RFC1: variants seen among roughly 807,000 people sequenced by gnomAD.
RFC1 encodes the protein A1 140 kDa subunit.
Under a neutral mutation model 137.4 loss-of-function variants are expected in RFC1, and 37 were observed. The ratio of observed to expected loss-of-function variants is 0.27; its 90% CI spans 0.21 to 0.35. The LOEUF is 0.35. Ranked by LOEUF, RFC1 falls within the 10% of genes least tolerant of loss-of-function variation. The pLI is 1.00. For synonymous variants in RFC1, 429 were observed against 455.7 expected (o/e 0.94, Z 0.75); for missense variants, 1,205 against 1,358.5 (o/e 0.89, Z 1.78).
chr4:39,343,654 A>G (rs1740710777), intron 3 of RFC1, among the ~76,000 whole-genome samples: 1 of 152,222 alleles, frequency 6.6e-6, no homozygotes, highest in African/African-American at 2.4e-5. Context: ...CCCAACAAAC[A>G]AAACTCCTGA....
intron 1 of RFC1, among the ~76,000 whole-genome samples, chr4:39,357,464 G>A (rs948913163): frequency 6.6e-6 from 1 of 152,140 alleles, no homozygotes; most frequent in Admixed American, 6.5e-5. Context: ...TCTAATTTAA[G>A]TTTAAAAAGC....
At position 39,306,610 on chromosome 4, in the gene RFC1, T is replaced by C; in HGVS notation, c.1977A>G (p.Thr659=). The change falls in exon 14 of 25, where the codon ACA becomes ACG. Residue 659 remains threonine, a synonymous_variant. Coordinates refer to ENST00000349703, the MANE Select transcript of RFC1 (RefSeq NM_002913.5). ...CACCCACCTGACACACCAGGGAAGCTGTGGTGGTTTTGCCAACACCAGGAG... is the reference window on the plus strand; with the variant it reads ...CACCCACCTGACACACCAGGGAAGCCGTGGTGGTTTTGCCAACACCAGGAG... The part of the protein sequence containing the change: ...SGPPGVGKTT[T]ASLVCQELGY... 6.2e-7 allele frequency: 1 copy of C among 1,600,966 alleles called. No homozygotes were observed. Among genetic ancestry groups the C allele is most frequent in the Non-Finnish European group, 8.6e-7 (1 of 1,167,930 alleles).
chr4:39,320,523 G>A lies in RFC1; in HGVS notation c.955C>T (p.Leu319=), dbSNP rs570590922. ...TCTTCTTTTCTTTTCATAATTGCCA[G>A]CTTAGAACTGGCCTTGGGAGAAGAG... ...EVSSPKASSK[L]AIMKRKEESS... is the part of the protein sequence containing the mutation. Residue 319 remains leucine (L), a synonymous_variant, in exon 9 of 25, where the codon CTG becomes TTG. Transcript: ENST00000349703. 12 of 1,613,234 alleles carry A rather than the reference G, an allele frequency of 7.4e-6. 1 individual carries two copies. The highest frequency in any genetic ancestry group is 2.7e-5 in the African/African-American group (2 of 74,876).
At chr4:39,329,155 C>CAAAAAAAAAAA (rs1739952751) in intron 4 of RFC1, among the ~76,000 whole-genome samples, 9 of 38,536 alleles carry the variant, frequency 2.3e-4, no homozygotes, top group East Asian at 1.6e-3. Context: ...AAAAAAAAAG[C>CAAAAAAAAAAA]TTTTCGATTT....
rs527935710 is a variant in RFC1 at position 39,357,360 on chromosome 4, T to G, written c.4-5884A>C. 1.4e-4 allele frequency among the ~76,000 whole-genome samples: 22 copies of G among 152,322 alleles called. No homozygotes were observed. The East Asian group carries it at 4.0e-3, about 28-fold the overall frequency. ...CTATCATTGAGCTTTAGACTACGCA[T>G]TCAATGAAATACTCTATCACAGAAG... On this transcript the variant is annotated intron_variant, in intron 1 of 24. Transcript: ENST00000349703.
At chr4:39,298,723 C>T (rs1372098654) in intron 21 of RFC1, among the ~76,000 whole-genome samples, 1 of 152,162 alleles carries the variant, frequency 6.6e-6, no homozygotes, top group African/African-American at 2.4e-5. Context: ...TAAGGTAAAA[C>T]ACAGCAAATG....
chr4:39,312,656 T>G lies in RFC1; in HGVS notation c.1383+96A>C, dbSNP rs1218317291. 7.5e-6 allele frequency: 8 copies of G among 1,064,350 alleles called. No homozygotes were observed. In the African/African-American group the frequency reaches 1.3e-4, roughly 17 times the overall value. The allele number at this position is 1,064,350 out of a possible 1,614,324, so 65.9% of individuals were successfully genotyped here. A position where few individuals can be genotyped will look rare whatever the true frequency, so the allele number is the denominator to read the frequency against. The stretch of plus-strand genomic sequence containing the variant: ...GGCAAGAAATTACTTTTCTATTTCT[T>G]TCCTTCATTTAACTCTGAGTAAAGG... On this transcript the variant is annotated intron_variant, in intron 11 of 24. Coordinates refer to ENST00000349703, the MANE Select transcript of RFC1 (RefSeq NM_002913.5).
intron 9 of RFC1, 131 bp from the exon 10 acceptor site, chr4:39,317,153 G>A: frequency 1.7e-6 from 1 of 596,878 alleles, no homozygotes; most frequent in South Asian, 1.9e-5. Flanking sequence ...AACAGTTTTA[G>A]CTACACAAGT....
At chr4:39,344,235 T>G (rs564746075) in intron 3 of RFC1, among the ~76,000 whole-genome samples, 1 of 152,354 alleles carries the variant, frequency 6.6e-6, no homozygotes, top group South Asian at 2.1e-4. Flanking sequence ...ACCATCATTT[T>G]GTGCATCATA....
chr4:39,312,767 C>T lies in RFC1; in HGVS notation c.1368G>A (p.Gln456=), dbSNP rs1293670807. The part of the protein sequence containing the change: ...NYLVMGRDSG[Q]SKSDKAAALG... The stretch of plus-strand genomic sequence containing the variant: ...CAGTACCCACCTTATCACTCTTGGA[C>T]TGTCCACTATCACGACCCATGACAA... The change falls in exon 11 of 25, where the codon CAG becomes CAA. Residue 456 remains glutamine, a synonymous_variant. Coordinates refer to ENST00000349703, the MANE Select transcript of RFC1 (RefSeq NM_002913.5). 6.2e-7 allele frequency: 1 copy of T among 1,614,098 alleles called. No homozygotes were observed. Among genetic ancestry groups the T allele is most frequent in the South Asian group, 1.1e-5 (1 of 91,068 alleles).
chr4:39,347,793 T>C (rs1443977003), intron 2 of RFC1, among the ~76,000 whole-genome samples: 6 of 152,180 alleles, frequency 3.9e-5, no homozygotes, highest in Admixed American at 2.0e-4. Flanking sequence ...TTGGTATAAA[T>C]ATGAATGTTA....
chr4:39,303,055 A>G lies in RFC1; in HGVS notation c.2202+5T>C, dbSNP rs1425750474. The G allele has an allele frequency of 4.4e-6, 7 of 1,603,808 alleles. No individual in the cohort carries two copies. The highest frequency in any genetic ancestry group is 6.0e-6 in the Non-Finnish European group (7 of 1,170,564). On this transcript the variant is annotated splice_donor_5th_base_variant and intron_variant, in intron 16 of 24. Coordinates refer to ENST00000349703, the MANE Select transcript of RFC1 (RefSeq NM_002913.5). Reference sequence around the variant, plus strand: ...GAAACTGCAAAAATACAGCACTTGAATTACCTGAATTCCTCCCCTATCCTC... The same window carrying G: ...GAAACTGCAAAAATACAGCACTTGAGTTACCTGAATTCCTCCCCTATCCTC...
At chr4:39,327,002 A>G (rs1739805566) in intron 5 of RFC1, among the ~76,000 whole-genome samples, 1 of 152,216 alleles carries the variant, frequency 6.6e-6, no homozygotes. Flanking sequence ...GGAGGAAGTG[A>G]TAGAATCAAC....
chr4:39,330,792 A>G (rs1253034617), intron 4 of RFC1, among the ~76,000 whole-genome samples: 2 of 152,186 alleles, frequency 1.3e-5, no homozygotes, highest in Non-Finnish European at 2.9e-5. Flanking sequence ...TTAATTAAAA[A>G]TTTATCCATA....
intron 15 of RFC1, among the ~76,000 whole-genome samples, chr4:39,304,021 G>A (rs1243148931): frequency 6.6e-6 from 1 of 152,110 alleles, no homozygotes; most frequent in Non-Finnish European, 1.5e-5. Context: ...GGGCTAGACG[G>A]TATGTGTAAT....
At chr4:39,290,379 A>G (rs1737604473) in intron 23 of RFC1, among the ~76,000 whole-genome samples, 1 of 152,030 alleles carries the variant, frequency 6.6e-6, no homozygotes, top group Non-Finnish European at 1.5e-5. Context: ...TCTAAAAAAA[A>G]AAAAAATACG....
intron 4 of RFC1, among the ~76,000 whole-genome samples, chr4:39,331,036 G>A (rs888263423): frequency 6.6e-6 from 1 of 152,062 alleles, no homozygotes; most frequent in African/African-American, 2.4e-5. Context: ...TAACAGCCAC[G>A]TGGATCACCC....
Position 39,366,292 on chromosome 4 carries a change from G to C in RFC1, c.-51C>G. ...CTGGCTGGCGGGTGGGCCGGTTGAG[G>C]AATCTGTTATCGAGGCTCAGGATCC... On this transcript the variant is annotated 5_prime_UTR_variant, in exon 1 of 25. Coordinates refer to ENST00000349703, the MANE Select transcript of RFC1 (RefSeq NM_002913.5). 1 of 1,514,410 alleles carries C rather than the reference G, an allele frequency of 6.6e-7. No individual in the cohort carries two copies. The highest frequency in any genetic ancestry group is 8.8e-7 in the Non-Finnish European group (1 of 1,130,084). 93.8% of individuals were successfully genotyped at this position (1,514,410 alleles called of 1,614,324 possible).
chr4:39,359,373 T>A (rs879549508), intron 1 of RFC1, among the ~76,000 whole-genome samples: 1 of 152,168 alleles, frequency 6.6e-6, no homozygotes, highest in African/African-American at 2.4e-5. Context: ...AATGGAATAC[T>A]ACTCAATCAT....
Sources: allele counts gnomAD v4.1 joint callset (sites outside exome capture counted in the v4.1 genomes callset), GRCh38; gene constraint gnomAD v4.1.1; transcripts MANE v1.5; gene names NCBI Gene and HGNC (gene_info 2026-07-23, HGNC 2026-07-21).